The following LDAF1 variants were observed in gnomAD, a reference collection of about 807,000 sequenced individuals.
LDAF1 encodes lipid droplet assembly factor 1, also known as PROMETHIN.
A neutral mutation model predicts 13.5 loss-of-function variants in LDAF1; 7 were observed. That is an observed-to-expected ratio of 0.52 (90% CI 0.29 to 0.97). LDAF1 has a LOEUF of 0.97. Among genes scored for constraint, LDAF1 ranks in the 50% least tolerant of loss-of-function variants. The pLI is 0.07. For missense variants in LDAF1, 148 were observed against 193.2 expected (o/e 0.77, Z 1.39); for synonymous variants, 69 against 77.1 (o/e 0.89, Z 0.55).
In LDAF1 at chr16:21,179,726, G is replaced by T. The variant is rs1412317477; in HGVS notation, c.*170G>T. ...CAGCAGCCAATTTAGGGATTGTGTT[G>T]TTCTTGTGTTGGTTCCCATGTAAAG... is the stretch of plus-strand genomic sequence containing the variant. On this transcript the variant is annotated 3_prime_UTR_variant, in exon 5 of 5. Coordinates refer to ENST00000233047, the MANE Select transcript of LDAF1 (RefSeq NM_001301771.2). 8.6e-6 allele frequency: 5 copies of T among 583,192 alleles called. No individual in the cohort carries two copies. The highest frequency in any genetic ancestry group is 1.2e-5 in the Non-Finnish European group (4 of 331,660). 36.1% of individuals were successfully genotyped at this position (583,192 alleles called of 1,614,324 possible).
intron 3 of LDAF1, among the ~76,000 whole-genome samples, chr16:21,172,032 C>T (rs2093093397): frequency 6.6e-6 from 1 of 151,968 alleles, no homozygotes. Flanking sequence ...GCCACTGCAC[C>T]CAGCTCCAAG....
rs887003822 is a variant in LDAF1 at position 21,159,803 on chromosome 16, AC to A, written c.-99+1058del. On this transcript the variant is annotated intron_variant, in intron 1 of 4. Coordinates refer to ENST00000233047, the MANE Select transcript of LDAF1 (RefSeq NM_001301771.2). Reference sequence around the variant, plus strand: ...GACTCCCCAAACCGGTCTGGGTGGCACTTGAGGCTCCCAGGCCAAAGGAGAC... The same window carrying A: ...GACTCCCCAAACCGGTCTGGGTGGCATTGAGGCTCCCAGGCCAAAGGAGAC... The A allele has an allele frequency of 6.8e-6, 4 of 585,198 alleles. No individual in the cohort carries two copies. The African/African-American group carries it at 8.1e-5, about 12-fold the overall frequency. The allele number at this position is 585,198 out of a possible 1,614,324, so 36.3% of individuals were successfully genotyped here.
chr16:21,172,737 C>T, intron 3 of LDAF1: 1 of 572,096 alleles, frequency 1.7e-6, no homozygotes, highest in Non-Finnish European at 2.2e-6. Context: ...TCACGAGCTT[C>T]CTTGATGCAC....
At chr16:21,169,776 C>G (rs918551290) in intron 2 of LDAF1, among the ~76,000 whole-genome samples, 1 of 152,128 alleles carries the variant, frequency 6.6e-6, no homozygotes, top group African/African-American at 2.4e-5. Context: ...GTGTGTTTGG[C>G]AGGAGAGCCA....
At chr16:21,165,564 C>A (rs2093016028) in intron 2 of LDAF1, 1 of 983,188 alleles carries the variant, frequency 1.0e-6, no homozygotes. Flanking sequence ...TACCCCTCCC[C>A]CTTCTCTTCC....
In LDAF1 at chr16:21,174,002, C is replaced by T; in HGVS notation, c.266-8C>T. 1 of 1,609,498 alleles carries T rather than the reference C, an allele frequency of 6.2e-7. No individual in the cohort carries two copies. Among genetic ancestry groups the T allele is most frequent in the African/African-American group, 1.3e-5 (1 of 74,670 alleles). On this transcript the variant is annotated splice_polypyrimidine_tract_variant and splice_region_variant and intron_variant, in intron 3 of 4. Transcript: ENST00000233047. ...TGAACCCTTCTCCTAACCACGTTCT[C>T]CTCCTAGGATTGGTCATCTCTGTGG...
At chr16:21,165,676 TA>T (rs560187151) in intron 2 of LDAF1, 386 of 872,778 alleles carry the variant, frequency 4.4e-4, no homozygotes, top group Non-Finnish European at 5.2e-4. Context: ...TCATATTTCT[TA>T]AATCATTCCT....
rs1168908504 is a variant in LDAF1, at chr16:21,170,501, C to T, written c.161C>T (p.Thr54Ile). The T allele has an allele frequency of 3.7e-6, 6 of 1,614,132 alleles. No individual in the cohort carries two copies. The highest frequency in any genetic ancestry group is 5.1e-6 in the Non-Finnish European group (6 of 1,180,024). Residue 54 changes from threonine (T) to isoleucine (I), a missense_variant, in exon 3 of 5, where the codon ACC becomes ATC. Transcript: ENST00000233047. Reference sequence around the variant, plus strand: ...GACAGCCATCCGTTTCTGGCCTTCACCTTGCTGGTGTTCATTGTCATGTCG... The same window carrying T: ...GACAGCCATCCGTTTCTGGCCTTCATCTTGCTGGTGTTCATTGTCATGTCG... The part of the protein sequence containing the change: ...YLDSHPFLAF[T>I]LLVFIVMSAV...
intron 2 of LDAF1, among the ~76,000 whole-genome samples, chr16:21,170,055 T>G (rs969413721): frequency 5.9e-5 from 9 of 151,702 alleles, no homozygotes; most frequent in Admixed American, 6.6e-5. Context: ...CAGGCTGGAG[T>G]GCAATGGTGC....
chr16:21,168,366 A>G (rs1288910259), intron 2 of LDAF1, among the ~76,000 whole-genome samples: 3 of 152,034 alleles, frequency 2.0e-5, no homozygotes, highest in Non-Finnish European at 2.9e-5. Context: ...GTGCGACTCT[A>G]GACAAGTGAT....
intron 2 of LDAF1, among the ~76,000 whole-genome samples, chr16:21,165,224 G>T (rs1417530717): frequency 6.6e-6 from 1 of 152,234 alleles, no homozygotes; most frequent in African/African-American, 2.4e-5. Flanking sequence ...ACTTCGGGAG[G>T]CCGAGGCGGG....
At chr16:21,159,695 C>T (rs2092945757) in intron 1 of LDAF1, among the ~76,000 whole-genome samples, 1 of 152,162 alleles carries the variant, frequency 6.6e-6, no homozygotes, top group African/African-American at 2.4e-5. Context: ...GAGTGAGTGA[C>T]CAGGGGGTCT....
At chr16:21,164,996 C>A (rs1567901528) in intron 2 of LDAF1, among the ~76,000 whole-genome samples, 2 of 152,154 alleles carry the variant, frequency 1.3e-5, no homozygotes, top group Admixed American at 6.6e-5. Context: ...AATGAATGTT[C>A]TCTGTTATTA....
intron 3 of LDAF1, among the ~76,000 whole-genome samples, chr16:21,171,712 A>G (rs1009358587): frequency 6.6e-6 from 1 of 151,788 alleles, no homozygotes; most frequent in African/African-American, 2.4e-5. Flanking sequence ...CCTCTAGAAT[A>G]GTGGTTCTTG....
chr16:21,178,473 C>CT, intron 4 of LDAF1: 22 of 842,184 alleles, frequency 2.6e-5, no homozygotes, highest in Middle Eastern at 6.2e-4. Flanking sequence ...ACACAGGGAA[C>CT]TTTTTTTTAT....
chr16:21,162,232 A>C (rs1010581087), intron 2 of LDAF1, among the ~76,000 whole-genome samples: 1 of 152,208 alleles, frequency 6.6e-6, no homozygotes, highest in African/African-American at 2.4e-5. Flanking sequence ...GTAATCATTT[A>C]TACAAAATTA....
intron 3 of LDAF1, among the ~76,000 whole-genome samples, chr16:21,172,452 A>G (rs1033724990): frequency 6.6e-6 from 1 of 152,042 alleles, no homozygotes; most frequent in African/African-American, 2.4e-5. Flanking sequence ...GTCTCAAAAA[A>G]AAGAAAAGAA....
intron 4 of LDAF1, chr16:21,178,216 G>A (rs537639511): frequency 1.0e-6 from 1 of 985,334 alleles, no homozygotes; most frequent in South Asian, 4.7e-5. Context: ...GCTTGGTTAT[G>A]GAGACTGCAA....
chr16:21,165,894 C>T (rs776217119), intron 2 of LDAF1, among the ~76,000 whole-genome samples: 11 of 152,180 alleles, frequency 7.2e-5, no homozygotes, highest in Non-Finnish European at 1.3e-4. Flanking sequence ...GAGTCTCGCT[C>T]TGTCGCCCAG....
Sources: allele counts gnomAD v4.1 joint callset (sites outside exome capture counted in the v4.1 genomes callset), GRCh38; gene constraint gnomAD v4.1.1; transcripts MANE v1.5; gene names NCBI Gene and HGNC (gene_info 2026-07-23, HGNC 2026-07-21).